Variants in LATS2 observed in about 807,000 individuals in gnomAD.
LATS2 encodes the protein large tumor suppressor kinase 2, also known as serine/threonine-protein kinase LATS2.
In LATS2, 24 loss-of-function variants were observed where a neutral mutation model predicts 76.0. The observed-to-expected ratio is 0.32, with a 90% CI of 0.23 to 0.44. The LOEUF (loss-of-function observed/expected upper bound fraction) is 0.44. LATS2 is among the 20% of genes least tolerant of loss of function. The probability of loss-of-function intolerance (pLI) is 1.00; values close to 1 mark genes in which losing one functional copy is unlikely to be tolerated. For missense variants in LATS2, 1,286 were observed against 1,481.2 expected, an observed-to-expected ratio of 0.87 and a Z score of 2.16; for synonymous variants, 692 against 635.4, an observed-to-expected ratio of 1.09 and a Z score of -1.34.
At chr13:21,019,815 A>G (rs182574274) in intron 2 of LATS2, among the ~76,000 whole-genome samples, 46 of 151,572 alleles carry the variant, frequency 3.0e-4, no homozygotes, top group Admixed American at 1.3e-3. Flanking sequence ...CTCTACTAAA[A>G]ATACAAAAAT....
chr13:20,977,732 A>T (rs1869688314), intron 7 of LATS2, among the ~76,000 whole-genome samples: 3 of 152,190 alleles, frequency 2.0e-5, no homozygotes, highest in African/African-American at 7.2e-5. Context: ...ATTTTAATTT[A>T]CCATTAAAAT....
intron 2 of LATS2, among the ~76,000 whole-genome samples, chr13:21,028,508 G>A (rs910331483): frequency 7.2e-5 from 11 of 152,136 alleles, no homozygotes; most frequent in South Asian, 6.2e-4. Context: ...TACAGATCTT[G>A]CACATATTTT....
At chr13:20,978,915 C>CTACT (rs1565940985) in intron 7 of LATS2, among the ~76,000 whole-genome samples, 1 of 152,130 alleles carries the variant, frequency 6.6e-6, no homozygotes, top group Admixed American at 6.5e-5. Flanking sequence ...GTGCACACCA[C>CTACT]CATGATGGAC....
intron 2 of LATS2, among the ~76,000 whole-genome samples, chr13:21,033,869 T>A (rs748927965): frequency 2.0e-4 from 30 of 152,012 alleles, no homozygotes; most frequent in Admixed American, 5.9e-4. Context: ...GATTAATAAT[T>A]CTTCTAATGT....
chr13:21,037,442 T>C (rs1360652665), intron 2 of LATS2, among the ~76,000 whole-genome samples: 2 of 150,776 alleles, frequency 1.3e-5, no homozygotes, highest in Admixed American at 1.3e-4. Context: ...TTTAAAAGAC[T>C]ATTCAATGGA....
chr13:21,031,913 A>T (rs1425882738), intron 2 of LATS2, among the ~76,000 whole-genome samples: 1 of 152,128 alleles, frequency 6.6e-6, no homozygotes, highest in Non-Finnish European at 1.5e-5. Flanking sequence ...ATTCTGACAC[A>T]TTTCCCTTTC....
intron 4 of LATS2, among the ~76,000 whole-genome samples, chr13:20,985,038 G>A (rs932267229): frequency 6.6e-6 from 1 of 152,084 alleles, no homozygotes; most frequent in Non-Finnish European, 1.5e-5. Context: ...ACGGTGCCAA[G>A]AATGTACACT....
At chr13:21,028,505 C>G (rs1374614115) in intron 2 of LATS2, among the ~76,000 whole-genome samples, 1 of 152,192 alleles carries the variant, frequency 6.6e-6, no homozygotes, top group East Asian at 1.9e-4. Context: ...GTGTACAGAT[C>G]TTGCACATAT....
rs1873067731 is a variant in LATS2 at position 21,046,095 on chromosome 13, CT to C, written c.-70del. 1.1e-6 allele frequency: 1 copy of C among 944,290 alleles called. No individual in the cohort carries two copies. Among genetic ancestry groups the C allele is most frequent in the East Asian group, 2.7e-5 (1 of 37,146 alleles). The allele number at this position is 944,290 out of a possible 1,614,324, so 58.5% of individuals were successfully genotyped here. ...GTGTTTTATTATTTAAAAAAAAAAACTGTCAATAGTATCAGTTTGTTGTAAA... is the reference window on the plus strand; with the variant it reads ...GTGTTTTATTATTTAAAAAAAAAAACGTCAATAGTATCAGTTTGTTGTAAA... On this transcript the variant is annotated 5_prime_UTR_variant, in exon 2 of 8. Coordinates refer to ENST00000382592, the MANE Select transcript of LATS2 (RefSeq NM_014572.3).
At chr13:21,008,190 GCTA>G (rs10592570) in intron 2 of LATS2, among the ~76,000 whole-genome samples, 9,875 of 152,238 alleles carry the variant, frequency 0.065, 604 homozygotes, top group African/African-American at 0.16. Flanking sequence ...TGCATTGCCA[GCTA>G]CTACTGTAGG....
chr13:21,060,589 G>T (rs1437389540), intron 1 of LATS2, among the ~76,000 whole-genome samples: 1 of 152,014 alleles, frequency 6.6e-6, no homozygotes, highest in Non-Finnish European at 1.5e-5. Context: ...GGTGGCCTCT[G>T]AGGGGCTGAC....
At chr13:21,019,973 T>TA (rs528686392) in intron 2 of LATS2, among the ~76,000 whole-genome samples, 2,390 of 112,084 alleles carry the variant, frequency 0.021, 55 homozygotes, top group African/African-American at 0.059. Context: ...AGACTCCATC[T>TA]AAAAAAAAAA....
chr13:21,042,992 A>C (rs1433987064), intron 2 of LATS2, among the ~76,000 whole-genome samples: 4 of 127,182 alleles, frequency 3.1e-5, no homozygotes, highest in African/African-American at 5.1e-5. Context: ...TCAAAAAAAA[A>C]ACCAAAAAAC....
chr13:21,035,107 A>G (rs190573870), intron 2 of LATS2, among the ~76,000 whole-genome samples: 82 of 152,260 alleles, frequency 5.4e-4, no homozygotes, highest in African/African-American at 1.9e-3. Flanking sequence ...CAAAACAAAA[A>G]AGCAAGAAAA....
intron 2 of LATS2, among the ~76,000 whole-genome samples, chr13:21,013,414 A>ATTTTTACT (rs1871676951): frequency 6.6e-6 from 1 of 152,192 alleles, no homozygotes; most frequent in Middle Eastern, 3.2e-3. Context: ...AGTAAAAATT[A>ATTTTTACT]GTGTTTGCTG....
At chr13:21,001,980 C>T (rs1871062157) in intron 2 of LATS2, among the ~76,000 whole-genome samples, 1 of 151,164 alleles carries the variant, frequency 6.6e-6, no homozygotes, top group South Asian at 2.1e-4. Flanking sequence ...GTGGCACTAT[C>T]TCGGCTCACT....
At chr13:21,022,671 C>A (rs1488249529) in intron 2 of LATS2, among the ~76,000 whole-genome samples, 1 of 152,136 alleles carries the variant, frequency 6.6e-6, no homozygotes, top group Non-Finnish European at 1.5e-5. Flanking sequence ...GCCTGAGCCA[C>A]AGAAATGTAA....
At chr13:20,997,870 G>A (rs1870828350) in intron 2 of LATS2, among the ~76,000 whole-genome samples, 1 of 152,182 alleles carries the variant, frequency 6.6e-6, no homozygotes, top group Non-Finnish European at 1.5e-5. Flanking sequence ...TATTATGTAT[G>A]AGGGAAGGAA....
intron 2 of LATS2, among the ~76,000 whole-genome samples, chr13:21,006,712 T>C (rs145596116): frequency 1.6e-4 from 24 of 152,200 alleles, no homozygotes; most frequent in African/African-American, 4.8e-4. Context: ...TACTCGACAA[T>C]GGCACATAGG....
Sources: gnomAD v4.1 joint callset for allele counts (sites outside exome capture counted in the v4.1 genomes callset) on GRCh38, gnomAD v4.1.1 for gene constraint, MANE v1.5 for transcripts, NCBI Gene and HGNC (gene_info 2026-07-23, HGNC 2026-07-21) for gene names.